MRE11: variants seen among roughly 807,000 people sequenced by gnomAD.
MRE11 encodes MRE11 double strand break repair nuclease.
A neutral mutation model predicts 91.7 loss-of-function variants in MRE11; 62 were observed. That is an observed-to-expected ratio of 0.68 (90% confidence interval 0.55 to 0.84). The LOEUF (loss-of-function observed/expected upper bound fraction) is 0.84. Among genes scored for constraint, MRE11 ranks in the 40% least tolerant of loss-of-function variants. MRE11 has a pLI of 0.00. For synonymous variants in MRE11, 273 were observed against 271.4 expected (o/e 1.01, Z -0.06); for missense variants, 796 against 852.9 (o/e 0.93, Z 0.83).
chr11:94,430,352 A>G (rs1193468976), intron 18 of MRE11, among the ~76,000 whole-genome samples: 1 of 152,214 alleles, frequency 6.6e-6, no homozygotes, highest in African/African-American at 2.4e-5. Context: ...ACTTACTTAT[A>G]TTATTATAGT....
chr11:94,476,377 G>A lies in MRE11; in HGVS notation c.571C>T (p.Arg191Ter), dbSNP rs1157413766. 1.4e-5 allele frequency: 23 copies of A among 1,611,548 alleles called. No homozygotes were observed. The highest frequency in any genetic ancestry group is 1.7e-5 in the Admixed American group (1 of 60,008). The stretch of plus-strand genomic sequence containing the variant: ...GTTACTTTTTTATTGACAAACATTC[G>A]ATAGAGCCTTTCATCTGGAATGGAT... Reference protein sequence around the residue: ...LGSIPDERLYRMFVNKKVTML... With the variant: ...LGSIPDERLY Residue 191 changes from arginine to a stop codon, truncating the protein, a stop_gained, in exon 7 of 20, where the codon CGA (arginine) becomes TGA (stop). Transcript: ENST00000323929. LOFTEE classifies it high-confidence loss of function.
At chr11:94,449,417 G>A (rs754733139) in intron 14 of MRE11, among the ~76,000 whole-genome samples, 1 of 152,056 alleles carries the variant, frequency 6.6e-6, no homozygotes, top group Non-Finnish European at 1.5e-5. Flanking sequence ...CAAATTCACC[G>A]ACTTGCCAAA....
rs1945096318 is a variant in MRE11 at position 94,419,109 on chromosome 11, T to C, written c.*1016A>G. The stretch of plus-strand genomic sequence containing the variant: ...TTATAAAGAATGGGATTATTTAACT[T>C]AAATCTGAAGATGTCTAATTCTTAT... On this transcript the variant is annotated 3_prime_UTR_variant, in exon 20 of 20. Transcript: ENST00000323929. 4.3e-6 allele frequency: 1 copy of C among 232,392 alleles called. No homozygotes were observed. Among genetic ancestry groups the C allele is most frequent in the East Asian group, 6.1e-5 (1 of 16,348 alleles). 14.4% of individuals were successfully genotyped at this position (232,392 alleles called of 1,614,324 possible).
intron 16 of MRE11, among the ~76,000 whole-genome samples, chr11:94,441,231 T>A (rs562153837): frequency 2.0e-5 from 3 of 152,318 alleles, no homozygotes; most frequent in African/African-American, 7.2e-5. Context: ...AAAAAGTCAC[T>A]TTCTTTATAC....
chr11:94,416,733 C>T lies in MRE11; in HGVS notation c.*3392G>A. The stretch of plus-strand genomic sequence containing the variant: ...ATTAGCCAGGCGTGGTGGTGGGCGC[C>T]TGTAGTCCCAGCTACTTGGGAGGCT... On this transcript the variant is annotated 3_prime_UTR_variant, in exon 20 of 20. Transcript: ENST00000323929. 1 of 150,276 alleles carries T rather than the reference C, an allele frequency of 6.7e-6. No individual in the cohort carries two copies. 9.3% of individuals were successfully genotyped at this position (150,276 alleles called of 1,614,324 possible).
In MRE11 at chr11:94,418,885, G is replaced by A. The variant is rs1416660160; in HGVS notation, c.*1240C>T. 4.3e-6 allele frequency: 1 copy of A among 230,928 alleles called. No individual in the cohort carries two copies. Among genetic ancestry groups the A allele is most frequent in the African/African-American group, 2.2e-5 (1 of 45,262 alleles). The allele number at this position is 230,928 out of a possible 1,614,324, so 14.3% of individuals were successfully genotyped here. A position where few individuals can be genotyped will look rare whatever the true frequency, so the allele number is the denominator to read the frequency against. The stretch of plus-strand genomic sequence containing the variant: ...GCTATATGAGGCAGCCACTAACCAA[G>A]TGTCTGTCTCTTATAATTTGACACA... On this transcript the variant is annotated 3_prime_UTR_variant, in exon 20 of 20. Coordinates refer to ENST00000323929, the MANE Select transcript of MRE11 (RefSeq NM_005591.4).
At position 94,420,156 on chromosome 11, in the gene MRE11, T is replaced by C. The variant is rs876660153; in HGVS notation, c.2096A>G (p.Asn699Ser). The C allele has an allele frequency of 2.5e-6, 4 of 1,581,494 alleles. No individual in the cohort carries two copies. Among genetic ancestry groups the C allele is most frequent in the South Asian group, 1.1e-5 (1 of 90,456 alleles). The change falls in exon 20 of 20, where the codon AAC becomes AGC. Residue 699 changes from asparagine to serine, a missense_variant. Coordinates refer to ENST00000323929, the MANE Select transcript of MRE11 (RefSeq NM_005591.4). Reference protein sequence around the residue: ...SEDDDDDPFMNTSSLRRNRR With the variant: ...SEDDDDDPFMSTSSLRRNRR ...TCTATTTCTTCTTAAAGAACTAGTG[T>C]TCATAAAAGGATCATCATCATCATC...
the MRE11 span, among the ~76,000 whole-genome samples, chr11:94,509,030 A>C: frequency 4.6e-5 from 7 of 152,066 alleles, no homozygotes; most frequent in African/African-American, 1.7e-4. Context: ...AAAGTGCTAC[A>C]TTTACTTTCT....
chr11:94,421,178 G>A (rs1268422790), intron 19 of MRE11, among the ~76,000 whole-genome samples: 3 of 152,092 alleles, frequency 2.0e-5, no homozygotes, highest in African/African-American at 7.2e-5. Flanking sequence ...ATTTTATGAA[G>A]ATAAAACCAA....
At chr11:94,464,335 T>A in intron 10 of MRE11, 96 bp from the exon 11 acceptor site, 2 of 1,487,738 alleles carry the variant, frequency 1.3e-6, no homozygotes, top group East Asian at 4.6e-5. Flanking sequence ...TGTTTATGCT[T>A]GATACTTTGA....
chr11:94,456,834 A>G (rs1471175188), intron 13 of MRE11, among the ~76,000 whole-genome samples: 3 of 152,090 alleles, frequency 2.0e-5, no homozygotes, highest in Non-Finnish European at 4.4e-5. Context: ...TGGTCCTGGT[A>G]TCAAGAAGGA....
In MRE11 at chr11:94,434,135, G is replaced by C. The variant is rs1945536131; in HGVS notation, c.1994+1697C>G. Among the ~76,000 whole-genome samples, 4 of 152,190 alleles carry C rather than the reference G, an allele frequency of 2.6e-5. No homozygotes were observed. The South Asian group carries it at 8.3e-4, about 32-fold the overall frequency. On this transcript the variant is annotated intron_variant, in intron 18 of 19. Transcript: ENST00000323929. ...AAACATTTATCTTGGTGGATTAGCA[G>C]TGCCCTGTAATTAGCATACCACTAA...
In MRE11 at chr11:94,464,200, G is replaced by A. The variant is rs766182900; in HGVS notation, c.1138C>T (p.Arg380Cys). The change falls in exon 11 of 20, where the codon CGC (arginine) becomes TGC (cysteine). Residue 380 changes from arginine (R) to cysteine (C), a missense_variant. Arg to Cys is a radical substitution (Grantham distance 180). Coordinates refer to ENST00000323929, the MANE Select transcript of MRE11 (RefSeq NM_005591.4). ...CGATCCACAAATTTCTGGCTAAAGC[G>A]AAGAACACTGAAAGGTTCAAAACCT... Reference protein sequence around the residue: ...SGGFEPFSVLRFSQKFVDRVA... With the variant: ...SGGFEPFSVLCFSQKFVDRVA... 1.4e-5 allele frequency: 23 copies of A among 1,613,728 alleles called. No homozygotes were observed. Among genetic ancestry groups the A allele is most frequent in the East Asian group, 4.5e-5 (2 of 44,830 alleles).
intron 6 of MRE11, 103 bp from the exon 7 acceptor site, chr11:94,476,506 T>A: frequency 1.3e-6 from 1 of 754,042 alleles, no homozygotes; most frequent in Non-Finnish European, 2.3e-6. Flanking sequence ...TATTTCACTT[T>A]ACTGTTGGGA....
At chr11:94,433,603 C>G (rs1358882059) in intron 18 of MRE11, among the ~76,000 whole-genome samples, 1 of 152,142 alleles carries the variant, frequency 6.6e-6, no homozygotes, top group African/African-American at 2.4e-5. Context: ...GGGGGCAGTT[C>G]CCCCATACTA....
intron 6 of MRE11, 108 bp downstream of exon 6, chr11:94,478,626 GA>G: frequency 7.8e-7 from 1 of 1,287,928 alleles, no homozygotes; most frequent in Non-Finnish European, 1.1e-6. Context: ...CACCAATAAA[GA>G]ATAAGGTTTG....
the MRE11 span, among the ~76,000 whole-genome samples, chr11:94,510,437 T>C: frequency 4.6e-5 from 7 of 152,220 alleles, no homozygotes; most frequent in Non-Finnish European, 8.8e-5. Flanking sequence ...TTAAAAATAG[T>C]TTCACTTAAA....
chr11:94,457,887 T>TCTCACA (rs372404360), intron 13 of MRE11, among the ~76,000 whole-genome samples: 3,832 of 144,286 alleles, frequency 0.027, 191 homozygotes, highest in African/African-American at 0.095. Flanking sequence ...TCTCTCTCTC[T>TCTCACA]CACACACACA....
chr11:94,500,730 C>A, the MRE11 span, among the ~76,000 whole-genome samples: 2 of 152,082 alleles, frequency 1.3e-5, no homozygotes, highest in African/African-American at 4.8e-5. Flanking sequence ...ATATGCTTTT[C>A]CAGGGAGCCT....
Sources: gnomAD v4.1 joint callset for allele counts (sites outside exome capture counted in the v4.1 genomes callset) on GRCh38, gnomAD v4.1.1 for gene constraint, MANE v1.5 for transcripts, NCBI Gene and HGNC (gene_info 2026-07-23, HGNC 2026-07-21) for gene names.